The following CCSER1 variants were observed in gnomAD, a reference collection of about 807,000 sequenced individuals.
CCSER1 encodes serine-rich coiled-coil domain-containing protein 1.
CCSER1 carries 41 observed loss-of-function variants against 82.0 expected under a neutral mutation model. That is an observed-to-expected ratio of 0.50 (90% CI 0.39 to 0.65). The LOEUF (loss-of-function observed/expected upper bound fraction) is 0.65, where lower values mean the gene tolerates loss of function less well. CCSER1 is among the 30% of genes least tolerant of loss of function. The probability of loss-of-function intolerance (pLI) is 0.00; values close to 1 mark genes in which losing one functional copy is unlikely to be tolerated. For synonymous variants in CCSER1, 414 were observed against 383.9 expected (o/e 1.08, Z -0.92); for missense variants, 1,119 against 1,064.2 (o/e 1.05, Z -0.72).
chr4:91,209,314 C>A lies in CCSER1; in HGVS notation c.2217+123320C>A, dbSNP rs549109393. ...CCAGTTTTCAAGGGGATTCTTTCAG[C>A]CTTTTTCTATTCAGTATGATGTTGG... On this transcript the variant is annotated intron_variant, in intron 10 of 10. Transcript: ENST00000509176. Among the ~76,000 whole-genome samples the A allele has an allele frequency of 2.6e-5, 4 of 151,724 alleles. No individual in the cohort carries two copies. In the East Asian group the frequency reaches 7.8e-4, roughly 29 times the overall value.
At chr4:90,519,330 T>C (rs1772763049) in intron 5 of CCSER1, among the ~76,000 whole-genome samples, 1 of 151,890 alleles carries the variant, frequency 6.6e-6, no homozygotes, top group Non-Finnish European at 1.5e-5. Flanking sequence ...GTTGCTATTA[T>C]AAATGTTTTC....
At chr4:91,372,719 G>T (rs1302722742) in intron 10 of CCSER1, among the ~76,000 whole-genome samples, 1 of 151,992 alleles carries the variant, frequency 6.6e-6, no homozygotes, top group Non-Finnish European at 1.5e-5. Context: ...TAAACTGATG[G>T]AATATAATAA....
chr4:90,301,465 A>C (rs1733088256), intron 1 of CCSER1, among the ~76,000 whole-genome samples: 1 of 152,150 alleles, frequency 6.6e-6, no homozygotes. Flanking sequence ...AATTTCTAAG[A>C]GATCAAACTG....
chr4:90,177,356 T>A (rs1483669579), intron 1 of CCSER1, among the ~76,000 whole-genome samples: 3 of 152,060 alleles, frequency 2.0e-5, no homozygotes, highest in African/African-American at 7.2e-5. Context: ...TGATTTCTCT[T>A]TTTATTTGAA....
intron 7 of CCSER1, among the ~76,000 whole-genome samples, chr4:90,746,433 C>T (rs971097855): frequency 5.9e-5 from 9 of 152,094 alleles, no homozygotes; most frequent in Admixed American, 2.6e-4. Flanking sequence ...TTAAATAATA[C>T]AACAAATCCT....
chr4:91,276,473 A>T (rs1214017011), intron 10 of CCSER1, among the ~76,000 whole-genome samples: 3 of 151,716 alleles, frequency 2.0e-5, no homozygotes. Context: ...AACACTACTG[A>T]TTTTTGTATG....
At chr4:90,654,746 C>T (rs575278295) in intron 6 of CCSER1, among the ~76,000 whole-genome samples, 71 of 152,174 alleles carry the variant, frequency 4.7e-4, no homozygotes, top group African/African-American at 1.7e-3. Flanking sequence ...TAACACACAA[C>T]TTAAACTTCT....
intron 10 of CCSER1, among the ~76,000 whole-genome samples, chr4:91,217,725 A>G (rs1181544460): frequency 1.3e-5 from 2 of 151,860 alleles, no homozygotes; most frequent in Non-Finnish European, 2.9e-5. Flanking sequence ...TGTATTTACA[A>G]TCCCTGAGCT....
At chr4:91,120,709 A>C (rs909099687) in intron 10 of CCSER1, among the ~76,000 whole-genome samples, 4 of 151,928 alleles carry the variant, frequency 2.6e-5, no homozygotes, top group African/African-American at 9.7e-5. Flanking sequence ...TGAATCCAGG[A>C]GGGAAAATTA....
chr4:90,976,499 T>A, intron 9 of CCSER1, among the ~76,000 whole-genome samples: 1 of 150,816 alleles, frequency 6.6e-6, no homozygotes. Context: ...GAATTAAGAT[T>A]AAAAAAAATA....
At chr4:91,161,140 C>A (rs780170284) in intron 10 of CCSER1, among the ~76,000 whole-genome samples, 5 of 152,152 alleles carry the variant, frequency 3.3e-5, no homozygotes, top group African/African-American at 4.8e-5. Context: ...GTTTTCCCAG[C>A]ACCATTTATT....
At chr4:91,086,902 A>G (rs779989959) in intron 10 of CCSER1, among the ~76,000 whole-genome samples, 10 of 152,086 alleles carry the variant, frequency 6.6e-5, no homozygotes, top group Admixed American at 3.3e-4. Flanking sequence ...AGAAAAATCT[A>G]TTTTTATTTA....
At chr4:90,556,762 G>C (rs184791737) in intron 5 of CCSER1, among the ~76,000 whole-genome samples, 1 of 151,620 alleles carries the variant, frequency 6.6e-6, no homozygotes, top group African/African-American at 2.4e-5. Context: ...AGGAGGGTTT[G>C]GTCTTGCTGT....
chr4:90,263,658 G>A (rs1043867533), intron 1 of CCSER1, among the ~76,000 whole-genome samples: 2 of 152,110 alleles, frequency 1.3e-5, no homozygotes, highest in East Asian at 1.9e-4. Flanking sequence ...CAGAGGTGGC[G>A]CTTGAAAAGG....
At chr4:90,378,484 A>C (rs76911662) in intron 3 of CCSER1, among the ~76,000 whole-genome samples, 2 of 152,186 alleles carry the variant, frequency 1.3e-5, no homozygotes, top group Admixed American at 1.3e-4. Context: ...CTGTACTTAT[A>C]CTGGCAAATG....
intron 9 of CCSER1, among the ~76,000 whole-genome samples, chr4:91,044,071 C>A (rs1280528781): frequency 2.6e-5 from 4 of 152,080 alleles, no homozygotes; most frequent in South Asian, 4.1e-4. Flanking sequence ...ACTAAAGAAA[C>A]CACTAGTGAA....
intron 6 of CCSER1, among the ~76,000 whole-genome samples, chr4:90,659,147 A>G (rs946836267): frequency 1.3e-5 from 2 of 151,168 alleles, no homozygotes; most frequent in African/African-American, 4.9e-5. Context: ...TAATGTTACA[A>G]TGGGACTCGT....
intron 8 of CCSER1, among the ~76,000 whole-genome samples, chr4:90,857,431 C>A (rs1015580405): frequency 6.6e-6 from 1 of 151,998 alleles, no homozygotes; most frequent in Non-Finnish European, 1.5e-5. Flanking sequence ...TGAGACGAGT[C>A]CAGAGAATGA....
chr4:90,837,473 C>A (rs1561222673), intron 8 of CCSER1, among the ~76,000 whole-genome samples: 1 of 152,134 alleles, frequency 6.6e-6, no homozygotes, highest in Non-Finnish European at 1.5e-5. Flanking sequence ...CTTTTCCCAA[C>A]CTATTTCTTT....
Sources: allele counts gnomAD v4.1 joint callset (sites outside exome capture counted in the v4.1 genomes callset), GRCh38; gene constraint gnomAD v4.1.1; transcripts MANE v1.5; gene names NCBI Gene and HGNC (gene_info 2026-07-23, HGNC 2026-07-21).